LUZP2: variants seen among roughly 807,000 people sequenced by gnomAD.
LUZP2 encodes the protein leucine zipper protein 2.
In LUZP2, 52 loss-of-function variants were observed where a neutral mutation model predicts 51.6. The observed-to-expected ratio is 1.01, with a 90% CI of 0.81 to 1.27. LUZP2 has a LOEUF of 1.27. Ranked by LOEUF, LUZP2 falls within the 50% of genes most tolerant of loss-of-function variation. The pLI is 0.00. For missense variants in LUZP2, 436 were observed against 395.4 expected, an observed-to-expected ratio of 1.10 and a Z score of -0.87; for synonymous variants, 154 against 137.3, an observed-to-expected ratio of 1.12 and a Z score of -0.85.
chr11:25,066,296 G>A (rs2134048469), intron 10 of LUZP2, among the ~76,000 whole-genome samples: 1 of 152,000 alleles, frequency 6.6e-6, no homozygotes, highest in Admixed American at 6.6e-5. Flanking sequence ...GGGGAGGCAT[G>A]AGAGTTGGTA....
rs1859469077 is a variant in LUZP2 at position 24,748,684 on chromosome 11, C to T, written c.333+10382C>T. On this transcript the variant is annotated intron_variant, in intron 4 of 11. Transcript: ENST00000336930. The stretch of plus-strand genomic sequence containing the variant: ...ATGTTGGCCGGGATGGTCTTGATCT[C>T]TTGACCTCATGATCTGCCCCCCTTG... Among the ~76,000 whole-genome samples the T allele has an allele frequency of 1.3e-5, 2 of 152,112 alleles. 1 individual carries two copies. Among genetic ancestry groups the T allele is most frequent in the Non-Finnish European group, 2.9e-5 (2 of 68,024 alleles).
intron 5 of LUZP2, among the ~76,000 whole-genome samples, chr11:24,893,713 A>G (rs1176988782): frequency 6.6e-6 from 1 of 151,928 alleles, no homozygotes; most frequent in African/African-American, 2.4e-5. Context: ...CCTGGCATAT[A>G]CTTTTTTCAT....
chr11:24,937,112 T>G (rs1020292105), intron 7 of LUZP2, among the ~76,000 whole-genome samples: 2 of 152,166 alleles, frequency 1.3e-5, no homozygotes, highest in African/African-American at 4.8e-5. Context: ...GGTCTAGGAC[T>G]GCATTACATG....
intron 1 of LUZP2, among the ~76,000 whole-genome samples, chr11:24,502,362 G>GT (rs1850021205): frequency 6.7e-6 from 1 of 149,536 alleles, no homozygotes; most frequent in African/African-American, 2.5e-5. Flanking sequence ...TATTAGGCTA[G>GT]TTTTTTTCCA....
At chr11:25,030,252 ATATCTTTGT>A (rs1263021366) in intron 9 of LUZP2, among the ~76,000 whole-genome samples, 5 of 152,160 alleles carry the variant, frequency 3.3e-5, no homozygotes, top group African/African-American at 7.2e-5. Context: ...TATTTCAAGG[ATATCTTTGT>A]TACTGGTAGT....
chr11:25,065,356 A>C (rs187832832), intron 10 of LUZP2, among the ~76,000 whole-genome samples: 2 of 152,016 alleles, frequency 1.3e-5, no homozygotes, highest in Non-Finnish European at 2.9e-5. Flanking sequence ...CATCATTATC[A>C]TTGCTGCTAC....
rs1859341379 is a variant in LUZP2 at position 25,077,370 on chromosome 11, A to G, written c.900A>G (p.Pro300=). The change falls in exon 11 of 12, where the codon CCA becomes CCG. Residue 300 remains proline (P), a synonymous_variant. Transcript: ENST00000336930. The part of the protein sequence containing the change: ...PCSMKHKESP[P]SNATAETEPI... ...CCATGAAGCACAAAGAAAGTCCCCC[A>G]AGTAATGCCACTGCAGAAACCGAGC... 6.2e-7 allele frequency: 1 copy of G among 1,612,878 alleles called. No individual in the cohort carries two copies. Among genetic ancestry groups the G allele is most frequent in the Non-Finnish European group, 8.5e-7 (1 of 1,179,280 alleles).
intron 1 of LUZP2, among the ~76,000 whole-genome samples, chr11:24,714,996 A>G (rs1857982344): frequency 1.3e-5 from 2 of 152,176 alleles, no homozygotes; most frequent in Non-Finnish European, 2.9e-5. Context: ...CTTTTGAGAA[A>G]CAGAATATCT....
chr11:24,612,197 G>C (rs1032382790), intron 1 of LUZP2, among the ~76,000 whole-genome samples: 16 of 152,282 alleles, frequency 1.1e-4, no homozygotes, highest in Middle Eastern at 3.4e-3. Context: ...GGGAAAGAAA[G>C]AGGAATTAAT....
intron 10 of LUZP2, among the ~76,000 whole-genome samples, chr11:25,057,966 C>T (rs1253198971): frequency 1.3e-5 from 2 of 152,038 alleles, no homozygotes; most frequent in Non-Finnish European, 2.9e-5. Flanking sequence ...ATCCAACATG[C>T]ATTTTGTGGC....
At chr11:24,664,314 T>C (rs1357270092) in intron 1 of LUZP2, among the ~76,000 whole-genome samples, 1 of 152,086 alleles carries the variant, frequency 6.6e-6, no homozygotes, top group East Asian at 1.9e-4. Flanking sequence ...CGATTTAGGG[T>C]ATCATGTGTA....
At chr11:24,717,712 G>T (rs1228277855) in intron 1 of LUZP2, among the ~76,000 whole-genome samples, 1 of 151,928 alleles carries the variant, frequency 6.6e-6, no homozygotes, top group African/African-American at 2.4e-5. Flanking sequence ...ACCGCGCCCG[G>T]CCCCCAATAG....
chr11:24,559,881 A>G (rs1322356739), intron 1 of LUZP2, among the ~76,000 whole-genome samples: 2 of 152,180 alleles, frequency 1.3e-5, no homozygotes, highest in African/African-American at 4.8e-5. Flanking sequence ...GAAACACAGT[A>G]GTTGTCTCCA....
intron 1 of LUZP2, among the ~76,000 whole-genome samples, chr11:24,581,957 C>T (rs981242897): frequency 1.3e-5 from 2 of 152,028 alleles, no homozygotes; most frequent in Non-Finnish European, 2.9e-5. Flanking sequence ...CCAAAGCCCA[C>T]ATTGGTCCTC....
At chr11:24,700,536 T>C (rs991683617) in intron 1 of LUZP2, among the ~76,000 whole-genome samples, 1 of 152,258 alleles carries the variant, frequency 6.6e-6, no homozygotes, top group East Asian at 1.9e-4. Context: ...TTATAAAATG[T>C]TCTGCTGCCA....
rs189602283 is a variant in LUZP2, at chr11:25,077,231, T to G, written c.859-98T>G. Reference sequence around the variant, plus strand: ...TTCAGTATGGATCAAAGTGATAGAATCTTCTCAACAGGAAGAATTCAAGAG... The same window carrying G: ...TTCAGTATGGATCAAAGTGATAGAAGCTTCTCAACAGGAAGAATTCAAGAG... On this transcript the variant is annotated intron_variant, in intron 10 of 11. Coordinates refer to ENST00000336930, the MANE Select transcript of LUZP2 (RefSeq NM_001009909.4). 7.8e-6 allele frequency: 7 copies of G among 903,082 alleles called. No homozygotes were observed. In the East Asian group the frequency reaches 1.9e-4, roughly 25 times the overall value. The allele number at this position is 903,082 out of a possible 1,614,324, so 55.9% of individuals were successfully genotyped here. A position where few individuals can be genotyped will look rare whatever the true frequency, so the allele number is the denominator to read the frequency against.
intron 1 of LUZP2, among the ~76,000 whole-genome samples, chr11:24,713,691 T>TG (rs1311775485): frequency 1.4e-5 from 2 of 142,750 alleles, no homozygotes; most frequent in South Asian, 4.7e-4. Context: ...CTGTTTTTTT[T>TG]TTTTTTTTTT....
At chr11:24,857,541 C>T (rs1044929560) in intron 5 of LUZP2, among the ~76,000 whole-genome samples, 8 of 145,854 alleles carry the variant, frequency 5.5e-5, no homozygotes, top group Admixed American at 2.1e-4. Flanking sequence ...AGCCCTTTTT[C>T]AGGTGCATAT....
At chr11:24,555,307 A>G (rs1168822428) in intron 1 of LUZP2, among the ~76,000 whole-genome samples, 1 of 152,180 alleles carries the variant, frequency 6.6e-6, no homozygotes, top group Non-Finnish European at 1.5e-5. Context: ...TTTGTATGAA[A>G]AAATGATGAC....
Sources: gnomAD v4.1 joint callset for allele counts (sites outside exome capture counted in the v4.1 genomes callset) on GRCh38, gnomAD v4.1.1 for gene constraint, MANE v1.5 for transcripts, NCBI Gene and HGNC (gene_info 2026-07-23, HGNC 2026-07-21) for gene names.